Variants in RGS20 observed in about 807,000 individuals in gnomAD.
The protein encoded by RGS20 is gz-selective GTPase-activating protein.
Under a neutral mutation model 33.6 loss-of-function variants are expected in RGS20, and 30 were observed. That is an observed-to-expected ratio of 0.89 (90% CI 0.67 to 1.21). The LOEUF is 1.21. RGS20 is among the 50% of genes most tolerant of loss of function. The pLI is 0.00. For synonymous variants in RGS20, 208 were observed against 197.9 expected (o/e 1.05, Z -0.43); for missense variants, 472 against 502.4 (o/e 0.94, Z 0.58).
intron 4 of RGS20, among the ~76,000 whole-genome samples, chr8:53,947,399 TA>T (rs1814534038): frequency 8.7e-6 from 1 of 115,124 alleles, no homozygotes; most frequent in South Asian, 3.1e-4. Flanking sequence ...ATGCTATATA[TA>T]AGATATAGTA....
intron 2 of RGS20, among the ~76,000 whole-genome samples, chr8:53,928,195 A>C (rs770177531): frequency 2.0e-5 from 3 of 152,176 alleles, no homozygotes; most frequent in Non-Finnish European, 2.9e-5. Flanking sequence ...AATAATTATC[A>C]AATCAACATT....
At chr8:53,904,028 T>G (rs940740198) in intron 2 of RGS20, among the ~76,000 whole-genome samples, 1 of 151,986 alleles carries the variant, frequency 6.6e-6, no homozygotes, top group African/African-American at 2.4e-5. Flanking sequence ...GAGTTGAGGA[T>G]GATGAGTTTT....
rs1812234232 is a variant in RGS20 at position 53,877,448 on chromosome 8, C to T, written c.166-1810C>T. ...ACGCTTGGCGGCAGCTGAGCCTCCA[C>T]CCCAAGCCCCAGCCGGAGGGGCGCG... On this transcript the variant is annotated intron_variant, in intron 1 of 5. Coordinates refer to ENST00000297313, the MANE Select transcript of RGS20 (RefSeq NM_170587.4). The surrounding 1 kb of genome is among the most constrained non-coding windows in gnomAD (Gnocchi z 5.7). Among the ~76,000 whole-genome samples, 1 of 152,216 alleles carries T rather than the reference C, an allele frequency of 6.6e-6. No homozygotes were observed. The highest frequency in any genetic ancestry group is 1.5e-5 in the Non-Finnish European group (1 of 68,036).
chr8:53,863,978 C>T (rs1471670081), intron 1 of RGS20, among the ~76,000 whole-genome samples: 5 of 151,968 alleles, frequency 3.3e-5, no homozygotes, highest in Non-Finnish European at 5.9e-5. Context: ...CTGCCTTCCT[C>T]GGCCTCCCAA....
At chr8:53,920,600 T>C (rs1025543287) in intron 2 of RGS20, among the ~76,000 whole-genome samples, 1 of 152,220 alleles carries the variant, frequency 6.6e-6, no homozygotes, top group Non-Finnish European at 1.5e-5. Context: ...AGATTTTTTT[T>C]CTTATTTCTG....
chr8:53,896,349 G>T (rs1431985138), intron 2 of RGS20, among the ~76,000 whole-genome samples: 2 of 152,180 alleles, frequency 1.3e-5, no homozygotes. Context: ...CATTCATAAA[G>T]ATTTATTGGA....
chr8:53,947,349 ATAT>A (rs1342969831), intron 4 of RGS20, among the ~76,000 whole-genome samples: 1 of 137,218 alleles, frequency 7.3e-6, no homozygotes, highest in Non-Finnish European at 1.5e-5. Context: ...GATAGTATAT[ATAT>A]TATATATGCT....
chr8:53,919,651 C>T (rs1456753595), intron 2 of RGS20, among the ~76,000 whole-genome samples: 6 of 143,408 alleles, frequency 4.2e-5, no homozygotes, highest in Non-Finnish European at 7.5e-5. Context: ...TGCAGTGGTG[C>T]GATCTTGGCT....
At chr8:53,901,193 G>A (rs57301821) in intron 2 of RGS20, among the ~76,000 whole-genome samples, 2,044 of 150,176 alleles carry the variant, frequency 0.014, 49 homozygotes, top group African/African-American at 0.047. Flanking sequence ...TCAGCCTCCC[G>A]AGTAGCTGGG....
intron 3 of RGS20, among the ~76,000 whole-genome samples, chr8:53,944,865 G>A (rs1488467772): frequency 6.6e-6 from 1 of 152,186 alleles, no homozygotes; most frequent in Non-Finnish European, 1.5e-5. Flanking sequence ...ATGAAAAGAT[G>A]TTCCACATCA....
At chr8:53,926,167 A>C (rs1399840198) in intron 2 of RGS20, among the ~76,000 whole-genome samples, 1 of 152,092 alleles carries the variant, frequency 6.6e-6, no homozygotes, top group African/African-American at 2.4e-5. Flanking sequence ...CCGTGTTCAC[A>C]CCACTGTACT....
chr8:53,937,961 T>G (rs995103912), intron 2 of RGS20, among the ~76,000 whole-genome samples: 1 of 152,236 alleles, frequency 6.6e-6, no homozygotes, highest in Non-Finnish European at 1.5e-5. Flanking sequence ...TCAATCATTG[T>G]GGGAGACAGT....
intron 2 of RGS20, chr8:53,913,918 C>T (rs1369806315): frequency 6.6e-6 from 1 of 152,184 alleles, no homozygotes; most frequent in Non-Finnish European, 1.5e-5. Flanking sequence ...GGTGTGTGGA[C>T]GTGGCTACTT....
chr8:53,893,347 ATAGT>A (rs1414047525), intron 2 of RGS20, among the ~76,000 whole-genome samples: 1 of 152,204 alleles, frequency 6.6e-6, no homozygotes, highest in African/African-American at 2.4e-5. Context: ...ATATATAGAA[ATAGT>A]TAGATTCTAC....
At chr8:53,942,350 C>G (rs1040313297) in intron 3 of RGS20, among the ~76,000 whole-genome samples, 2 of 151,880 alleles carry the variant, frequency 1.3e-5, no homozygotes, top group Non-Finnish European at 2.9e-5. Flanking sequence ...CCCAGCTACT[C>G]AGGAGGCTGA....
At chr8:53,929,206 G>T (rs1174984967) in intron 2 of RGS20, among the ~76,000 whole-genome samples, 1 of 152,182 alleles carries the variant, frequency 6.6e-6, no homozygotes, top group African/African-American at 2.4e-5. Flanking sequence ...ACTTTTGAGG[G>T]TGAGGATGTG....
At chr8:53,941,247 T>C (rs1814288913) in intron 3 of RGS20, among the ~76,000 whole-genome samples, 1 of 152,164 alleles carries the variant, frequency 6.6e-6, no homozygotes, top group East Asian at 1.9e-4. Context: ...AACACTTCTG[T>C]AGTACTTAGG....
At chr8:53,934,971 C>G (rs1814086914) in intron 2 of RGS20, among the ~76,000 whole-genome samples, 1 of 152,152 alleles carries the variant, frequency 6.6e-6, no homozygotes, top group Non-Finnish European at 1.5e-5. Flanking sequence ...CAAAACCGCA[C>G]AACTGCATGG....
chr8:53,943,412 T>A (rs1246811451), intron 3 of RGS20, among the ~76,000 whole-genome samples: 1 of 152,212 alleles, frequency 6.6e-6, no homozygotes, highest in Non-Finnish European at 1.5e-5. Context: ...TCTTGTTCAG[T>A]TGAATATAAA....
Sources: gnomAD v4.1 joint callset for allele counts (sites outside exome capture counted in the v4.1 genomes callset) on GRCh38, gnomAD v4.1.1 for gene constraint, Gnocchi (gnomAD v3.1) non-coding constraint, MANE v1.5 for transcripts, NCBI Gene and HGNC (gene_info 2026-07-23, HGNC 2026-07-21) for gene names.